Variants in KCNMA1 observed in about 807,000 individuals in gnomAD.
KCNMA1 encodes the protein Calcium-activated potassium channel subunit alpha-1.
KCNMA1 carries 29 observed loss-of-function variants against 140.0 expected under a neutral mutation model. That is an observed-to-expected ratio of 0.21 (90% CI 0.15 to 0.28). KCNMA1 has a LOEUF of 0.28. Among genes scored for constraint, KCNMA1 ranks in the 10% least tolerant of loss-of-function variants. The pLI is 1.00. For synonymous variants in KCNMA1, 612 were observed against 611.9 expected, an observed-to-expected ratio of 1.00 and a Z score of 0.00; for missense variants, 880 against 1,602.2, an observed-to-expected ratio of 0.55 and a Z score of 7.70.
At chr10:77,546,455 G>A (rs1388446357) in intron 1 of KCNMA1, among the ~76,000 whole-genome samples, 1 of 152,090 alleles carries the variant, frequency 6.6e-6, no homozygotes, top group South Asian at 2.1e-4. Flanking sequence ...GACCAGCCAG[G>A]GAGCCCCTCC....
intron 1 of KCNMA1, among the ~76,000 whole-genome samples, chr10:77,423,972 T>C (rs2096922856): frequency 6.6e-6 from 1 of 152,186 alleles, no homozygotes; most frequent in Non-Finnish European, 1.5e-5. Context: ...GCTTCCAAAA[T>C]GCAAACATCT....
chr10:77,118,565 C>T (rs1029949279), intron 6 of KCNMA1, among the ~76,000 whole-genome samples: 1 of 152,210 alleles, frequency 6.6e-6, no homozygotes, highest in African/African-American at 2.4e-5. Flanking sequence ...TATGCTCTCA[C>T]ACCAGTGTGC....
At chr10:76,874,732 T>C (rs1350911036), downstream of KCNMA1, 1 of 152,232 alleles carries the variant, frequency 6.6e-6, no homozygotes, top group African/African-American at 2.4e-5. Context: ...AAGATTGGAA[T>C]GTTCTCCAAC....
At chr10:76,948,297 C>T (rs911003986) in intron 22 of KCNMA1, among the ~76,000 whole-genome samples, 4 of 152,170 alleles carry the variant, frequency 2.6e-5, no homozygotes, top group African/African-American at 9.7e-5. Flanking sequence ...TTAGCCACTG[C>T]ACCTGGCCCC....
rs117320724 is a variant in KCNMA1, at chr10:77,055,321, G to C, written c.1750-15684C>G. On this transcript the variant is annotated intron_variant, in intron 14 of 27. Coordinates refer to ENST00000286628, the MANE Select transcript of KCNMA1 (RefSeq NM_001161352.2). ...GTTCTCTTCTGGTATCCTCTAGCCT[G>C]ACCTCGAGGCAGCCAGAACCTGGAA... is the stretch of plus-strand genomic sequence containing the variant. Among the ~76,000 whole-genome samples the C allele has an allele frequency of 1.2e-3, 182 of 152,272 alleles. 1 individual carries two copies. Among genetic ancestry groups the C allele is most frequent in the East Asian group, 0.011 (55 of 5,178 alleles).
At chr10:77,296,191 G>A (rs955098159) in intron 2 of KCNMA1, among the ~76,000 whole-genome samples, 2 of 152,148 alleles carry the variant, frequency 1.3e-5, no homozygotes, top group African/African-American at 2.4e-5. Flanking sequence ...TAATCACTAG[G>A]TCTTTATAAA....
intron 1 of KCNMA1, among the ~76,000 whole-genome samples, chr10:77,549,838 C>T (rs868854915): frequency 2.6e-5 from 4 of 152,166 alleles, no homozygotes; most frequent in Admixed American, 1.3e-4. Context: ...TGTAGGTGTT[C>T]GTACTAAATA....
chr10:77,073,062 C>A, intron 14 of KCNMA1, 35 bp downstream of exon 14: 2 of 1,605,544 alleles, frequency 1.2e-6, no homozygotes, highest in Non-Finnish European at 1.7e-6. Context: ...AAATGGAATC[C>A]CGAGCTAATG....
chr10:77,025,156 C>T (rs1036990232), intron 16 of KCNMA1, among the ~76,000 whole-genome samples: 1 of 147,962 alleles, frequency 6.8e-6, no homozygotes, highest in African/African-American at 2.5e-5. Flanking sequence ...GAAGTTAGTG[C>T]GTCATCCAAA....
intron 23 of KCNMA1, among the ~76,000 whole-genome samples, chr10:76,932,950 TG>T (rs1408396598): frequency 6.6e-6 from 1 of 152,136 alleles, no homozygotes; most frequent in East Asian, 1.9e-4. Context: ...CCTTGGGCCC[TG>T]GGTTGGTACT....
intron 26 of KCNMA1, 117 bp from the exon 27 acceptor site, chr10:76,889,686 G>T: frequency 3.6e-6 from 3 of 834,198 alleles, no homozygotes; most frequent in Non-Finnish European, 6.2e-6. Flanking sequence ...CAAGTTGGAG[G>T]GTCCATGTGC....
intron 1 of KCNMA1, among the ~76,000 whole-genome samples, chr10:77,414,414 G>C (rs1269097040): frequency 6.6e-6 from 1 of 152,182 alleles, no homozygotes; most frequent in Non-Finnish European, 1.5e-5. Flanking sequence ...TACATCTACT[G>C]TGTTCTGTCC....
At chr10:77,577,404 G>A (rs768968327) in intron 1 of KCNMA1, among the ~76,000 whole-genome samples, 1 of 152,118 alleles carries the variant, frequency 6.6e-6, no homozygotes, top group Non-Finnish European at 1.5e-5. Flanking sequence ...ACTGCCTAAA[G>A]ATGAGGCACT....
intron 20 of KCNMA1, among the ~76,000 whole-genome samples, chr10:76,968,950 A>C (rs893029695): frequency 3.9e-5 from 6 of 152,170 alleles, no homozygotes; most frequent in Admixed American, 2.0e-4. Context: ...TATTTCAAAA[A>C]TCAAAGCCGG....
At chr10:77,457,720 A>G (rs895407791) in intron 1 of KCNMA1, among the ~76,000 whole-genome samples, 1 of 152,134 alleles carries the variant, frequency 6.6e-6, no homozygotes, top group Non-Finnish European at 1.5e-5. Flanking sequence ...GCCTCCCTCC[A>G]GCACGGGCAT....
Position 76,948,883 on chromosome 10 carries a change from C to T in KCNMA1, c.2709+259G>A, listed in dbSNP as rs531789030. On this transcript the variant is annotated intron_variant, in intron 22 of 27. Transcript: ENST00000286628. ...AGGCAGGAGTGAGAGTGTTTAGACGCTGATATGGTTAATATACTTGATACA... is the reference window on the plus strand; with the variant it reads ...AGGCAGGAGTGAGAGTGTTTAGACGTTGATATGGTTAATATACTTGATACA... The T allele has an allele frequency of 3.1e-5, 17 of 542,252 alleles. No homozygotes were observed. The East Asian group carries it at 3.6e-4, about 11-fold the overall frequency. 33.6% of individuals were successfully genotyped at this position (542,252 alleles called of 1,614,324 possible).
At chr10:77,378,992 G>A (rs1283900716) in intron 2 of KCNMA1, among the ~76,000 whole-genome samples, 1 of 152,142 alleles carries the variant, frequency 6.6e-6, no homozygotes, top group African/African-American at 2.4e-5. Context: ...TCAGTTACAA[G>A]CAACAAGATG....
At chr10:77,326,652 A>G (rs1301888963) in intron 2 of KCNMA1, among the ~76,000 whole-genome samples, 1 of 152,198 alleles carries the variant, frequency 6.6e-6, no homozygotes, top group Non-Finnish European at 1.5e-5. Context: ...ACTTCAAAAC[A>G]TATGGCCCAA....
chr10:77,608,456 G>T (rs1052661961), intron 1 of KCNMA1, among the ~76,000 whole-genome samples: 1 of 152,166 alleles, frequency 6.6e-6, no homozygotes, highest in Non-Finnish European at 1.5e-5. Context: ...TTACAGTCAT[G>T]AGTCACCATG....
Sources: allele counts gnomAD v4.1 joint callset (sites outside exome capture counted in the v4.1 genomes callset), GRCh38; gene constraint gnomAD v4.1.1; transcripts MANE v1.5; gene names NCBI Gene and HGNC (gene_info 2026-07-23, HGNC 2026-07-21).